WDR37: variants seen among roughly 807,000 people sequenced by gnomAD.
The protein encoded by WDR37 is WD repeat-containing protein 37.
WDR37 carries 19 observed loss-of-function variants against 62.9 expected under a neutral mutation model. The observed-to-expected ratio is 0.30, with a 90% CI of 0.21 to 0.44. The LOEUF (loss-of-function observed/expected upper bound fraction) is 0.44. Among genes scored for constraint, WDR37 ranks in the 20% least tolerant of loss-of-function variants. The probability of loss-of-function intolerance (pLI) is 1.00; values close to 1 mark genes in which losing one functional copy is unlikely to be tolerated. For synonymous variants in WDR37, 250 were observed against 260.9 expected, an observed-to-expected ratio of 0.96 and a Z score of 0.40; for missense variants, 474 against 657.6, an observed-to-expected ratio of 0.72 and a Z score of 3.05.
At chr10:1,076,196 G>A (rs932425525) in intron 2 of WDR37, among the ~76,000 whole-genome samples, 14 of 151,914 alleles carry the variant, frequency 9.2e-5, no homozygotes, top group African/African-American at 3.4e-4. Context: ...TACCAATTCA[G>A]TAGATTCAGT....
At position 1,131,683 on chromosome 10, in the gene WDR37, G is replaced by GGTGTGTGTGTGTGTGT. The variant is rs58548853; in HGVS notation, c.*2353_*2368dup. The GGTGTGTGTGTGTGTGT allele has an allele frequency of 3.7e-5, 5 of 133,748 alleles. No individual in the cohort carries two copies. Among genetic ancestry groups the GGTGTGTGTGTGTGTGT allele is most frequent in the African/African-American group, 1.3e-4 (5 of 39,900 alleles). 8.3% of individuals were successfully genotyped at this position (133,748 alleles called of 1,614,324 possible). A position where few individuals can be genotyped will look rare whatever the true frequency, so the allele number is the denominator to read the frequency against. ...AGGAGTCACAGACAAGATCGGGGAT[G>GGTGTGTGTGTGTGTGT]GTGTGTGTGTGTGTGTGTGTGTGTG... On this transcript the variant is annotated 3_prime_UTR_variant, in exon 14 of 14. Coordinates refer to ENST00000263150, the MANE Select transcript of WDR37 (RefSeq NM_014023.4).
At chr10:1,117,858 G>T (rs569478987) in intron 11 of WDR37, among the ~76,000 whole-genome samples, 1 of 152,190 alleles carries the variant, frequency 6.6e-6, no homozygotes, top group African/African-American at 2.4e-5. Context: ...TCTGCGCTGC[G>T]TGCACTCAGC....
chr10:1,104,758 G>A (rs1834950202), intron 10 of WDR37, among the ~76,000 whole-genome samples: 2 of 152,264 alleles, frequency 1.3e-5, no homozygotes, highest in South Asian at 2.1e-4. Context: ...TCCTGCATGA[G>A]CGTTAAAGAT....
At chr10:1,092,303 A>C (rs1834422219) in intron 7 of WDR37, among the ~76,000 whole-genome samples, 1 of 152,114 alleles carries the variant, frequency 6.6e-6, no homozygotes, top group South Asian at 2.1e-4. Flanking sequence ...ACCAGCCTGG[A>C]CGACATGGCA....
intron 1 of WDR37, among the ~76,000 whole-genome samples, chr10:1,069,803 T>G (rs1039796035): frequency 6.6e-6 from 1 of 152,172 alleles, no homozygotes; most frequent in Non-Finnish European, 1.5e-5. Context: ...GTTGGTTTAG[T>G]GAAATTAACT....
chr10:1,090,448 C>A (rs148465273), intron 7 of WDR37, among the ~76,000 whole-genome samples: 1 of 152,180 alleles, frequency 6.6e-6, no homozygotes. Flanking sequence ...TGTGAGCCAC[C>A]GTGCCCGGCC....
chr10:1,124,673 T>C (rs1201387756), intron 12 of WDR37, among the ~76,000 whole-genome samples: 1 of 151,686 alleles, frequency 6.6e-6, no homozygotes, highest in Non-Finnish European at 1.5e-5. Context: ...TGTGTGTGTG[T>C]GTGTGTGTGT....
rs7895511 is a variant in WDR37, at chr10:1,056,621, C to G, written c.-388C>G. 151,200 of 152,402 alleles carry G rather than the reference C, an allele frequency of 0.99. 75,011 individuals are homozygous for G. The highest frequency in any genetic ancestry group is 1 in the Middle Eastern group (292 of 292). The allele number at this position is 152,402 out of a possible 1,614,324, so 9.4% of individuals were successfully genotyped here. A position where few individuals can be genotyped will look rare whatever the true frequency, so the allele number is the denominator to read the frequency against. On this transcript the variant is annotated 5_prime_UTR_variant, in exon 1 of 14. Coordinates refer to ENST00000263150, the MANE Select transcript of WDR37 (RefSeq NM_014023.4). ...CGCGAACCGCTCGGCGGCAGGAGTA[C>G]GTGACCAAGGGTGGGGGCGTTGGCC...
intron 13 of WDR37, among the ~76,000 whole-genome samples, chr10:1,128,866 CGGTCCATGCTCGGT>C (rs1255285748): frequency 1.3e-5 from 2 of 151,152 alleles, no homozygotes; most frequent in Admixed American, 1.3e-4. Flanking sequence ...CCATGCTCGG[CGGTCCATGCTCGGT>C]GGTCCTGCTC....
intron 11 of WDR37, among the ~76,000 whole-genome samples, chr10:1,107,845 AAC>A (rs1371620477): frequency 2.0e-5 from 3 of 151,860 alleles, no homozygotes; most frequent in African/African-American, 7.2e-5. Flanking sequence ...CTCTCTCTGA[AAC>A]ACACGCCCAC....
chr10:1,071,998 G>C (rs1833746259), intron 1 of WDR37, 118 bp from the exon 2 acceptor site: 6 of 711,362 alleles, frequency 8.4e-6, no homozygotes, highest in African/African-American at 1.8e-5. Flanking sequence ...AAATTATATA[G>C]TTAATGTTAA....
chr10:1,107,577 C>T (rs1202527150), intron 11 of WDR37, among the ~76,000 whole-genome samples: 3 of 152,086 alleles, frequency 2.0e-5, no homozygotes, highest in Non-Finnish European at 2.9e-5. Context: ...CTGAAACACA[C>T]GCCCACTAAC....
intron 13 of WDR37, among the ~76,000 whole-genome samples, chr10:1,127,870 A>G (rs745958815): frequency 6.6e-6 from 1 of 152,212 alleles, no homozygotes; most frequent in African/African-American, 2.4e-5. Flanking sequence ...CTGTGGGCGC[A>G]TGAGAGATGG....
intron 11 of WDR37, among the ~76,000 whole-genome samples, chr10:1,123,142 A>G (rs1033997949): frequency 1.3e-5 from 2 of 152,228 alleles, no homozygotes; most frequent in East Asian, 3.9e-4. Flanking sequence ...ACATATTTCA[A>G]CACATTTGAA....
chr10:1,091,062 G>C (rs1444532262), intron 7 of WDR37, among the ~76,000 whole-genome samples: 1 of 152,174 alleles, frequency 6.6e-6, no homozygotes, highest in Non-Finnish European at 1.5e-5. Flanking sequence ...TGCCGATTTT[G>C]TAAGATCAGG....
intron 1 of WDR37, among the ~76,000 whole-genome samples, chr10:1,068,244 G>A (rs1833614422): frequency 6.6e-6 from 1 of 151,984 alleles, no homozygotes; most frequent in African/African-American, 2.4e-5. Context: ...CACTTTGGGA[G>A]GCTGAGGCGG....
In WDR37 at chr10:1,103,345, C is replaced by T. The variant is rs551325500; in HGVS notation, c.727-257C>T. 3.9e-5 allele frequency among the ~76,000 whole-genome samples: 6 copies of T among 152,158 alleles called. No individual in the cohort carries two copies. Among genetic ancestry groups the T allele is most frequent in the East Asian group, 3.9e-4 (2 of 5,174 alleles). On this transcript the variant is annotated intron_variant, in intron 9 of 13. Transcript: ENST00000263150. This position sits in a 1 kb window ranked among gnomAD's most constrained non-coding sequence, Gnocchi z 6.3. Reference sequence around the variant, plus strand: ...TGATGCGTGGAAATAAATGGTAGTTCGGTTGACAATGTTGTGGATTCCACT... The same window carrying T: ...TGATGCGTGGAAATAAATGGTAGTTTGGTTGACAATGTTGTGGATTCCACT...
At chr10:1,094,085 T>A (rs1454376608) in intron 8 of WDR37, among the ~76,000 whole-genome samples, 2 of 151,996 alleles carry the variant, frequency 1.3e-5, no homozygotes, top group African/African-American at 4.8e-5. Flanking sequence ...CCCAGGGACA[T>A]TGGTGATGAT....
intron 1 of WDR37, among the ~76,000 whole-genome samples, chr10:1,068,115 G>A (rs888583499): frequency 6.6e-6 from 1 of 152,096 alleles, no homozygotes; most frequent in Non-Finnish European, 1.5e-5. Context: ...GAGTTAAAAG[G>A]TACAAACATG....
Sources: allele counts gnomAD v4.1 joint callset (sites outside exome capture counted in the v4.1 genomes callset), GRCh38; gene constraint gnomAD v4.1.1; non-coding constraint Gnocchi (gnomAD v3.1); transcripts MANE v1.5; gene names NCBI Gene and HGNC (gene_info 2026-07-23, HGNC 2026-07-21).